The following WWOX variants were observed in gnomAD, a reference collection of about 807,000 sequenced individuals.
The protein encoded by WWOX is WW domain containing oxidoreductase.
Under a neutral mutation model 46.2 loss-of-function variants are expected in WWOX, and 69 were observed. That is an observed-to-expected ratio of 1.49 (90% CI 1.23 to 1.82). The LOEUF (loss-of-function observed/expected upper bound fraction) is 1.82, where lower values mean the gene tolerates loss of function less well. Ranked by LOEUF, WWOX falls within the 40% of genes most tolerant of loss-of-function variation. WWOX has a pLI of 0.00. For synonymous variants in WWOX, 359 were observed against 202.6 expected, an observed-to-expected ratio of 1.77 and a Z score of -6.56; for missense variants, 919 against 542.6, an observed-to-expected ratio of 1.69 and a Z score of -6.89.
chr16:78,704,709 A>T (rs764547520), intron 8 of WWOX, among the ~76,000 whole-genome samples: 2 of 152,150 alleles, frequency 1.3e-5, no homozygotes, highest in Admixed American at 6.5e-5. Context: ...GTAAGCAGAC[A>T]GTTTTCCGAG....
chr16:79,171,342 C>G (rs762191437), intron 8 of WWOX, among the ~76,000 whole-genome samples: 3 of 152,178 alleles, frequency 2.0e-5, no homozygotes, highest in Non-Finnish European at 4.4e-5. Context: ...TAGTGTAGCA[C>G]TATAGTTGTT....
In WWOX at chr16:79,011,723, G is replaced by C. The variant is rs530370433; in HGVS notation, c.1057-199885G>C. 3.9e-5 allele frequency among the ~76,000 whole-genome samples: 6 copies of C among 151,904 alleles called. No homozygotes were observed. The East Asian group carries it at 1.2e-3, about 29-fold the overall frequency. On this transcript the variant is annotated intron_variant, in intron 8 of 8. Transcript: ENST00000566780. ...GCCGAGGCTGGTCTCAAACTCCTGG[G>C]CTCAAGCTATTCACCTGCTTTGGCC... is the stretch of plus-strand genomic sequence containing the variant.
At chr16:78,565,107 C>A (rs1289932415) in intron 8 of WWOX, among the ~76,000 whole-genome samples, 1 of 152,204 alleles carries the variant, frequency 6.6e-6, no homozygotes, top group Non-Finnish European at 1.5e-5. Flanking sequence ...TTCATTCATT[C>A]ATCAGAGCAG....
intron 8 of WWOX, among the ~76,000 whole-genome samples, chr16:78,977,916 T>C (rs539709643): frequency 2.7e-4 from 41 of 152,234 alleles, no homozygotes; most frequent in Non-Finnish European, 5.3e-4. Flanking sequence ...TAATATAAGA[T>C]TAACCATTTC....
chr16:78,457,112 A>T (rs977882573), intron 8 of WWOX, among the ~76,000 whole-genome samples: 2 of 152,226 alleles, frequency 1.3e-5, no homozygotes, highest in Non-Finnish European at 2.9e-5. Context: ...CAGTGTTCAG[A>T]CAGAATGGTA....
At chr16:78,372,276 G>A (rs1417150518) in intron 5 of WWOX, among the ~76,000 whole-genome samples, 2 of 152,104 alleles carry the variant, frequency 1.3e-5, no homozygotes, top group South Asian at 4.1e-4. Flanking sequence ...CTTTGATTCT[G>A]TGCAAATTCT....
intron 8 of WWOX, among the ~76,000 whole-genome samples, chr16:79,089,882 A>T (rs896958880): frequency 4.0e-5 from 6 of 150,126 alleles, no homozygotes; most frequent in Non-Finnish European, 7.4e-5. Context: ...GGGCGGTTCA[A>T]GGGGGGCTTG....
rs551108553 is a variant in WWOX at position 78,466,180 on chromosome 16, C to T, written c.1056+33428C>T. Among the ~76,000 whole-genome samples, 12 of 152,132 alleles carry T rather than the reference C, an allele frequency of 7.9e-5. No homozygotes were observed. In the East Asian group the frequency reaches 1.2e-3, roughly 15 times the overall value. The stretch of plus-strand genomic sequence containing the variant: ...CCTAGTAGCTGGGACTATAGGTGCC[C>T]GCCACCATGCTTGGCTAATTTTTTG... On this transcript the variant is annotated intron_variant, in intron 8 of 8. Coordinates refer to ENST00000566780, the MANE Select transcript of WWOX (RefSeq NM_016373.4).
At chr16:78,610,686 A>T (rs1344541919) in intron 8 of WWOX, among the ~76,000 whole-genome samples, 1 of 152,080 alleles carries the variant, frequency 6.6e-6, no homozygotes, top group Non-Finnish European at 1.5e-5. Flanking sequence ...TAGTTTTTAT[A>T]TTAGGTCTGA....
In WWOX at chr16:78,542,018, CAAAAAAAA is replaced by C. The variant is rs548366256; in HGVS notation, c.1056+109287_1056+109294del. Among the ~76,000 whole-genome samples, 278 of 40,644 alleles carry C rather than the reference CAAAAAAAA, an allele frequency of 6.8e-3. 1 individual carries two copies. The highest frequency in any genetic ancestry group is 0.027 in the African/African-American group (260 of 9,530). 26.7% of individuals were successfully genotyped at this position (40,644 alleles called of 152,430 possible). On this transcript the variant is annotated intron_variant, in intron 8 of 8. Transcript: ENST00000566780. ...GAGGGTTTCTTTCAACAGAGTATACCAAAAAAAAAAAAAAAAAAAAAAAAAAAAGTAAA... is the reference window on the plus strand; with the variant it reads ...GAGGGTTTCTTTCAACAGAGTATACCAAAAAAAAAAAAAAAAAAAAGTAAA...
chr16:78,699,257 G>A (rs893620344), intron 8 of WWOX, among the ~76,000 whole-genome samples: 28 of 152,268 alleles, frequency 1.8e-4, no homozygotes, highest in African/African-American at 5.5e-4. Context: ...CATGCAGCAC[G>A]GTGTGATGGC....
At chr16:78,365,828 C>G (rs958807625) in intron 5 of WWOX, among the ~76,000 whole-genome samples, 1 of 151,644 alleles carries the variant, frequency 6.6e-6, no homozygotes, top group Non-Finnish European at 1.5e-5. Flanking sequence ...TCATTTGCAA[C>G]TCTCTTTTCT....
intron 8 of WWOX, among the ~76,000 whole-genome samples, chr16:78,796,809 A>G (rs936946924): frequency 3.4e-5 from 5 of 146,382 alleles, no homozygotes; most frequent in Admixed American, 6.9e-5. Flanking sequence ...CTTTGATCCC[A>G]TGTTTCTTTA....
At chr16:78,736,172 G>A (rs959889663) in intron 8 of WWOX, among the ~76,000 whole-genome samples, 2 of 152,204 alleles carry the variant, frequency 1.3e-5, no homozygotes, top group Non-Finnish European at 1.5e-5. Flanking sequence ...CTCAAATGAA[G>A]TCTGGCTTCA....
Position 78,982,538 on chromosome 16 carries a change from C to T in WWOX, c.1057-229070C>T, listed in dbSNP as rs765956683. On this transcript the variant is annotated intron_variant, in intron 8 of 8. Transcript: ENST00000566780. ...CTTTAGACTTTAACTGACAGATTCC[C>T]ACAGTGAGTAGAGTAGGGAGTTATC... Among the ~76,000 whole-genome samples, 66 of 152,232 alleles carry T rather than the reference C, an allele frequency of 4.3e-4. No homozygotes were observed. In the Middle Eastern group the frequency reaches 0.01, roughly 24 times the overall value.
At chr16:78,553,337 A>C (rs1448626181) in intron 8 of WWOX, 2 of 152,230 alleles carry the variant, frequency 1.3e-5, no homozygotes, top group Admixed American at 1.3e-4. Flanking sequence ...GGGGCCAGGC[A>C]GGGTAAGCAG....
intron 8 of WWOX, among the ~76,000 whole-genome samples, chr16:78,754,984 G>A (rs1567538264): frequency 6.6e-6 from 1 of 151,164 alleles, no homozygotes; most frequent in Non-Finnish European, 1.5e-5. Flanking sequence ...AGAATACACA[G>A]GAGTTGAACA....
At chr16:78,205,141 C>G (rs1258537393) in intron 5 of WWOX, among the ~76,000 whole-genome samples, 2 of 152,044 alleles carry the variant, frequency 1.3e-5, no homozygotes, top group African/African-American at 2.4e-5. Flanking sequence ...GTGAGCTGGA[C>G]AGGATGACAT....
chr16:78,990,453 G>C (rs957346161), intron 8 of WWOX, among the ~76,000 whole-genome samples: 1 of 152,118 alleles, frequency 6.6e-6, no homozygotes, highest in African/African-American at 2.4e-5. Flanking sequence ...CCAGAGTCCG[G>C]AGCTACTAAA....
Sources: allele counts gnomAD v4.1 joint callset (sites outside exome capture counted in the v4.1 genomes callset), GRCh38; gene constraint gnomAD v4.1.1; transcripts MANE v1.5; gene names NCBI Gene and HGNC (gene_info 2026-07-23, HGNC 2026-07-21).